The following LRRTM4 variants were observed in gnomAD, a reference collection of about 807,000 sequenced individuals.
LRRTM4 encodes leucine-rich repeat transmembrane neuronal protein 4.
Under a neutral mutation model 47.6 loss-of-function variants are expected in LRRTM4, and 25 were observed. That is an observed-to-expected ratio of 0.53 (90% CI 0.38 to 0.73). The LOEUF (loss-of-function observed/expected upper bound fraction) is 0.73. Ranked by LOEUF, LRRTM4 falls within the 30% of genes least tolerant of loss-of-function variation. The probability of loss-of-function intolerance (pLI) is 0.00; values close to 1 mark genes in which losing one functional copy is unlikely to be tolerated. For synonymous variants in LRRTM4, 311 were observed against 269.5 expected (o/e 1.15, Z -1.51); for missense variants, 638 against 713.4 (o/e 0.89, Z 1.20).
At chr2:77,193,792 T>C (rs1006995204) in intron 3 of LRRTM4, among the ~76,000 whole-genome samples, 10 of 152,252 alleles carry the variant, frequency 6.6e-5, no homozygotes, top group Admixed American at 3.3e-4. Flanking sequence ...AAAAAATATA[T>C]ATTTTTCAGT....
intron 3 of LRRTM4, among the ~76,000 whole-genome samples, chr2:77,362,704 C>T (rs1672288669): frequency 6.6e-6 from 1 of 152,066 alleles, no homozygotes; most frequent in African/African-American, 2.4e-5. Context: ...TGGCTCTGTC[C>T]TTTCATCAGG....
At chr2:76,803,321 A>G (rs943056602) in intron 3 of LRRTM4, among the ~76,000 whole-genome samples, 9 of 152,176 alleles carry the variant, frequency 5.9e-5, no homozygotes, top group African/African-American at 2.2e-4. Flanking sequence ...TAAGACAAAC[A>G]AATAGCCAAT....
intron 3 of LRRTM4, among the ~76,000 whole-genome samples, chr2:77,097,742 G>A (rs780758221): frequency 1.3e-5 from 2 of 151,924 alleles, no homozygotes; most frequent in Non-Finnish European, 1.5e-5. Flanking sequence ...AAACATGTGT[G>A]AAAATCAATT....
chr2:77,112,235 C>T (rs185483548), intron 3 of LRRTM4, among the ~76,000 whole-genome samples: 4 of 152,282 alleles, frequency 2.6e-5, no homozygotes, highest in Non-Finnish European at 5.9e-5. Flanking sequence ...TAAATGTTAA[C>T]TTGAGTGACT....
At chr2:76,968,715 A>T (rs10209862) in intron 3 of LRRTM4, among the ~76,000 whole-genome samples, 35,854 of 150,996 alleles carry the variant, frequency 0.24, 5,223 homozygotes, top group African/African-American at 0.41. Context: ...GTAAATCCAC[A>T]CTCTCCGGTA....
chr2:77,125,886 G>A (rs1045089231), intron 3 of LRRTM4, among the ~76,000 whole-genome samples: 1 of 146,108 alleles, frequency 6.8e-6, no homozygotes. Context: ...GTGCACATAT[G>A]TGTAAATATA....
intron 3 of LRRTM4, among the ~76,000 whole-genome samples, chr2:76,889,433 A>G (rs1673180983): frequency 1.3e-5 from 2 of 151,988 alleles, no homozygotes; most frequent in Non-Finnish European, 2.9e-5. Context: ...TTCGTTTTCA[A>G]TGGGATTAAA....
chr2:77,140,672 A>G (rs1219278497), intron 3 of LRRTM4, among the ~76,000 whole-genome samples: 1 of 152,184 alleles, frequency 6.6e-6, no homozygotes, highest in East Asian at 1.9e-4. Flanking sequence ...AGAAACTACC[A>G]TCACAGTGAA....
chr2:77,346,033 T>G (rs1671548710), intron 3 of LRRTM4, among the ~76,000 whole-genome samples: 1 of 151,828 alleles, frequency 6.6e-6, no homozygotes, highest in Non-Finnish European at 1.5e-5. Flanking sequence ...AAAAAAAGAA[T>G]AAATAAACTA....
At chr2:77,495,223 C>T (rs960878291) in intron 3 of LRRTM4, among the ~76,000 whole-genome samples, 1 of 152,022 alleles carries the variant, frequency 6.6e-6, no homozygotes, top group Non-Finnish European at 1.5e-5. Flanking sequence ...TGCCAAATGG[C>T]TTTCCAAAAT....
At chr2:76,996,826 C>T (rs1263282088) in intron 3 of LRRTM4, among the ~76,000 whole-genome samples, 1 of 152,080 alleles carries the variant, frequency 6.6e-6, no homozygotes, top group Non-Finnish European at 1.5e-5. Context: ...ATTGACATAA[C>T]AGAGTTATTG....
chr2:77,181,838 C>A (rs1673354675), intron 3 of LRRTM4, among the ~76,000 whole-genome samples: 1 of 152,132 alleles, frequency 6.6e-6, no homozygotes, highest in Non-Finnish European at 1.5e-5. Flanking sequence ...CCTCACTGAT[C>A]ACTAGAGAAA....
At chr2:77,334,069 T>G (rs1298445277) in intron 3 of LRRTM4, among the ~76,000 whole-genome samples, 1 of 152,192 alleles carries the variant, frequency 6.6e-6, no homozygotes, top group Non-Finnish European at 1.5e-5. Flanking sequence ...AGCCTCTTTG[T>G]GTTGGCCAAA....
At position 76,980,902 on chromosome 2, in the gene LRRTM4, G is replaced by A. The variant is rs533227645; in HGVS notation, c.1552-231986C>T. 5.9e-3 allele frequency among the ~76,000 whole-genome samples: 904 copies of A among 152,058 alleles called. 15 individuals are homozygous for A. Among genetic ancestry groups the A allele is most frequent in the African/African-American group, 0.02 (849 of 41,516 alleles). On this transcript the variant is annotated intron_variant, in intron 3 of 3. Coordinates refer to ENST00000409884, the MANE Select transcript of LRRTM4 (RefSeq NM_001134745.3). ...CTTTAAAAAGTTAATGAAAATTGGA[G>A]GATTACATCTCCTATGATTACCTAC...
At chr2:76,911,052 T>G (rs1326648168) in intron 3 of LRRTM4, among the ~76,000 whole-genome samples, 1 of 152,198 alleles carries the variant, frequency 6.6e-6, no homozygotes. Context: ...CCATTTTGAT[T>G]CATAATAGTT....
rs1451274577 is a variant in LRRTM4, at chr2:76,842,925, T to A, written c.1552-94009A>T. On this transcript the variant is annotated intron_variant, in intron 3 of 3. Coordinates refer to ENST00000409884, the MANE Select transcript of LRRTM4 (RefSeq NM_001134745.3). ...TATATTAGGAGAGAATATCTACTTT[T>A]TGTAAATATATAGTTGGAGTCAGCT... 2.0e-5 allele frequency among the ~76,000 whole-genome samples: 3 copies of A among 152,210 alleles called. No individual in the cohort carries two copies. In the East Asian group the frequency reaches 5.8e-4, roughly 29 times the overall value.
chr2:76,856,629 TTTG>T (rs1672159502), intron 3 of LRRTM4, among the ~76,000 whole-genome samples: 1 of 152,296 alleles, frequency 6.6e-6, no homozygotes, highest in East Asian at 1.9e-4. Flanking sequence ...TTAACTGATA[TTTG>T]TTAATGGTTA....
rs547591549 is a variant in LRRTM4 at position 76,853,642 on chromosome 2, A to T, written c.1552-104726T>A. On this transcript the variant is annotated intron_variant, in intron 3 of 3. Transcript: ENST00000409884. The stretch of plus-strand genomic sequence containing the variant: ...GGCAAATCTGTGGATAGAAAAAAAA[A>T]TGTACCAATTTCAAAGAAGAAAGAT... Among the ~76,000 whole-genome samples, 6 of 152,282 alleles carry T rather than the reference A, an allele frequency of 3.9e-5. No homozygotes were observed. The East Asian group carries it at 9.7e-4, about 25-fold the overall frequency.
intron 3 of LRRTM4, among the ~76,000 whole-genome samples, chr2:77,049,506 T>A (rs1679355491): frequency 6.6e-6 from 1 of 151,938 alleles, no homozygotes; most frequent in Admixed American, 6.6e-5. Context: ...TGAGATGGTA[T>A]CTCATTCTGA....
Sources: gnomAD v4.1 joint callset for allele counts (sites outside exome capture counted in the v4.1 genomes callset) on GRCh38, gnomAD v4.1.1 for gene constraint, MANE v1.5 for transcripts, NCBI Gene and HGNC (gene_info 2026-07-23, HGNC 2026-07-21) for gene names.